Variants in GNB1 observed in about 807,000 individuals in gnomAD.
GNB1 encodes the protein guanine nucleotide-binding protein G(I)/G(S)/G(T) subunit beta-1.
GNB1 carries 2 observed loss-of-function variants against 42.9 expected under a neutral mutation model. That is an observed-to-expected ratio of 0.05 (90% confidence interval 0.02 to 0.15). The LOEUF (loss-of-function observed/expected upper bound fraction) is 0.15, where lower values mean the gene tolerates loss of function less well. Among genes scored for constraint, GNB1 ranks in the 10% least tolerant of loss-of-function variants. The probability of loss-of-function intolerance (pLI) is 1.00; values close to 1 mark genes in which losing one functional copy is unlikely to be tolerated. For missense variants in GNB1, 193 were observed against 462.2 expected, an observed-to-expected ratio of 0.42 and a Z score of 5.34; for synonymous variants, 183 against 174.7, an observed-to-expected ratio of 1.05 and a Z score of -0.38.
At chr1:1,813,842 T>C (rs1646814716) in intron 5 of GNB1, among the ~76,000 whole-genome samples, 1 of 152,232 alleles carries the variant, frequency 6.6e-6, no homozygotes, top group Admixed American at 6.5e-5. Context: ...ATTATATGTA[T>C]ATTTACGGAG....
intron 10 of GNB1, chr1:1,788,099 G>A (rs1171378848): frequency 6.6e-6 from 1 of 152,140 alleles, no homozygotes; most frequent in Admixed American, 6.6e-5. Flanking sequence ...TTAGAGGCAT[G>A]AGCCGTTTTT....
At chr1:1,862,259 G>A (rs1291941699) in intron 1 of GNB1, among the ~76,000 whole-genome samples, 2 of 152,132 alleles carry the variant, frequency 1.3e-5, no homozygotes, top group Non-Finnish European at 2.9e-5. Context: ...TGTTAGCAGA[G>A]CAACGTGGCA....
chr1:1,789,126 G>A lies in GNB1; in HGVS notation c.843C>T (p.Ser281=), dbSNP rs765733425. 20 of 1,614,046 alleles carry A rather than the reference G, an allele frequency of 1.2e-5. No homozygotes were observed. Among genetic ancestry groups the A allele is most frequent in the African/African-American group, 2.7e-5 (2 of 74,930 alleles). Residue 281 remains serine (S), a synonymous_variant, in exon 10 of 12, where the codon AGC becomes AGT. Coordinates refer to ENST00000378609, the MANE Select transcript of GNB1 (RefSeq NM_002074.5). ...CGTACCCAGCAAGGAGGAGGCGCCC[G>A]CTCTTGGAGAAGGAGACAGAGGTGA... ...CGITSVSFSK[S]GRLLLAGYDD...
At chr1:1,860,478 C>CA (rs966027354) in intron 1 of GNB1, among the ~76,000 whole-genome samples, 8 of 150,514 alleles carry the variant, frequency 5.3e-5, no homozygotes, top group Non-Finnish European at 1.2e-4. Context: ...AACAAACAAA[C>CA]AAAAAAAAAT....
chr1:1,890,280 C>A (rs1650409451), intron 1 of GNB1: 1 of 151,988 alleles, frequency 6.6e-6, no homozygotes, highest in African/African-American at 2.4e-5. Context: ...CCTACTCCGA[C>A]CGCGGCGCGC....
chr1:1,851,491 G>GA (rs1177359947), intron 1 of GNB1, among the ~76,000 whole-genome samples: 1 of 151,616 alleles, frequency 6.6e-6, no homozygotes, highest in African/African-American at 2.4e-5. Flanking sequence ...TGAGGCAGGA[G>GA]AATCGCTTGA....
intron 1 of GNB1, among the ~76,000 whole-genome samples, chr1:1,878,721 T>C (rs951221238): frequency 6.6e-6 from 1 of 152,210 alleles, no homozygotes; most frequent in South Asian, 2.1e-4. Flanking sequence ...TGAATACGCA[T>C]TTTACAAAAG....
At chr1:1,815,435 A>G (rs113034708) in intron 5 of GNB1, among the ~76,000 whole-genome samples, 19 of 152,216 alleles carry the variant, frequency 1.2e-4, no homozygotes, top group Non-Finnish European at 2.4e-4. Flanking sequence ...CCAAGTTCAC[A>G]TAAGTAGGAT....
chr1:1,840,315 T>C (rs1647210830), intron 1 of GNB1, among the ~76,000 whole-genome samples: 1 of 150,912 alleles, frequency 6.6e-6, no homozygotes, highest in Non-Finnish European at 1.5e-5. Flanking sequence ...GATCACAAGG[T>C]AAAGAGTTCG....
intron 2 of GNB1, among the ~76,000 whole-genome samples, chr1:1,831,469 G>A (rs1244010371): frequency 6.6e-6 from 1 of 152,120 alleles, no homozygotes; most frequent in Non-Finnish European, 1.5e-5. Flanking sequence ...ATTTGAGACT[G>A]AGTCTAGCTC....
At chr1:1,830,163 C>T (rs1339429436) in intron 2 of GNB1, among the ~76,000 whole-genome samples, 1 of 152,198 alleles carries the variant, frequency 6.6e-6, no homozygotes, top group Non-Finnish European at 1.5e-5. Context: ...CCCCCCTACA[C>T]ACCAACACAC....
intron 1 of GNB1, among the ~76,000 whole-genome samples, chr1:1,849,067 G>A (rs1415602919): frequency 6.6e-6 from 1 of 152,186 alleles, no homozygotes; most frequent in Non-Finnish European, 1.5e-5. Context: ...CATTCTGACT[G>A]GGGTGGGAGA....
chr1:1,826,678 G>A (rs961135774), intron 2 of GNB1, among the ~76,000 whole-genome samples: 14 of 152,208 alleles, frequency 9.2e-5, no homozygotes, highest in African/African-American at 3.1e-4. Flanking sequence ...GATCCCAGGA[G>A]GCTCAGAAAC....
chr1:1,852,956 C>T (rs1225810558), intron 1 of GNB1, among the ~76,000 whole-genome samples: 2 of 152,156 alleles, frequency 1.3e-5, no homozygotes, highest in Non-Finnish European at 1.5e-5. Flanking sequence ...GAAAGCTCTA[C>T]GCACTGCAGC....
chr1:1,883,891 A>T (rs1649995035), intron 1 of GNB1, among the ~76,000 whole-genome samples: 1 of 152,114 alleles, frequency 6.6e-6, no homozygotes, highest in African/African-American at 2.4e-5. Context: ...GAATTATTTT[A>T]AAATTCCTAT....
intron 2 of GNB1, among the ~76,000 whole-genome samples, chr1:1,834,910 C>T (rs1256459955): frequency 3.3e-5 from 5 of 152,080 alleles, no homozygotes; most frequent in Non-Finnish European, 5.9e-5. Flanking sequence ...CTTCATGATC[C>T]GCCCACCTCA....
Position 1,785,881 on chromosome 1 carries a change from T to C in GNB1, c.*1182A>G, listed in dbSNP as rs1052151457. ...CGTGTAGAGCCGCGCGCTGTACTGC[T>C]TCCGATATGTGCCACAGAGCAGCAA... On this transcript the variant is annotated 3_prime_UTR_variant, in exon 12 of 12. Transcript: ENST00000378609. 1 of 398,472 alleles carries C rather than the reference T, an allele frequency of 2.5e-6. No individual in the cohort carries two copies. The highest frequency in any genetic ancestry group is 4.4e-6 in the Non-Finnish European group (1 of 225,862). 24.7% of individuals were successfully genotyped at this position (398,472 alleles called of 1,614,324 possible).
chr1:1,865,947 ATTTT>A (rs926115042), intron 1 of GNB1, among the ~76,000 whole-genome samples: 1 of 145,558 alleles, frequency 6.9e-6, no homozygotes, highest in Non-Finnish European at 1.5e-5. Context: ...GTATTTATTT[ATTTT>A]TTTTTTTTTT....
intron 1 of GNB1, among the ~76,000 whole-genome samples, chr1:1,871,589 A>C (rs1182657287): frequency 1.3e-5 from 2 of 151,824 alleles, no homozygotes; most frequent in Non-Finnish European, 2.9e-5. Context: ...TAACCCCTCC[A>C]CCGACCATCA....
Sources: allele counts gnomAD v4.1 joint callset (sites outside exome capture counted in the v4.1 genomes callset), GRCh38; gene constraint gnomAD v4.1.1; transcripts MANE v1.5; gene names NCBI Gene and HGNC (gene_info 2026-07-23, HGNC 2026-07-21).